TRIM5: variants seen among roughly 807,000 people sequenced by gnomAD.
The protein encoded by TRIM5 is tripartite motif containing 5.
TRIM5 carries 31 observed loss-of-function variants against 35.6 expected under a neutral mutation model. The ratio of observed to expected loss-of-function variants is 0.87; its 90% confidence interval spans 0.65 to 1.18. TRIM5 has a LOEUF of 1.18. Ranked by LOEUF, TRIM5 falls within the 50% of genes most tolerant of loss-of-function variation. The probability of loss-of-function intolerance (pLI) is 0.00; values close to 1 mark genes in which losing one functional copy is unlikely to be tolerated. For missense variants in TRIM5, 609 were observed against 591.6 expected (o/e 1.03, Z -0.31); for synonymous variants, 243 against 215.6 (o/e 1.13, Z -1.11).
At chr11:5,629,982 A>G in the TRIM5 span, among the ~76,000 whole-genome samples, 2 of 152,124 alleles carry the variant, frequency 1.3e-5, no homozygotes, top group Non-Finnish European at 2.9e-5. Context: ...CTGAGATTAC[A>G]GGGGTGAGCC....
chr11:5,652,241 G>A, the TRIM5 span, among the ~76,000 whole-genome samples: 18 of 151,744 alleles, frequency 1.2e-4, no homozygotes, highest in Non-Finnish European at 2.1e-4. Context: ...TCTTTGCCAG[G>A]GCCTGTGTCC....
chr11:5,641,050 A>G, the TRIM5 span: 2 of 1,383,004 alleles, frequency 1.4e-6, no homozygotes, highest in African/African-American at 3.0e-5. Context: ...TTTTGTTGAC[A>G]TTTTCATATA....
intron 6 of TRIM5, 97 bp downstream of exon 6, chr11:5,665,884 C>G (rs923154883): frequency 7.5e-7 from 1 of 1,327,778 alleles, no homozygotes; most frequent in African/African-American, 1.5e-5. Flanking sequence ...CTCCCCTATC[C>G]CCTCTATCCA....
chr11:5,622,396 G>C, the TRIM5 span, among the ~76,000 whole-genome samples: 1 of 148,716 alleles, frequency 6.7e-6, no homozygotes, highest in African/African-American at 2.5e-5. Context: ...AGTGAGCCGA[G>C]ATCACGCCAC....
chr11:5,671,153 G>T (rs1246827039), intron 4 of TRIM5, among the ~76,000 whole-genome samples: 1 of 152,022 alleles, frequency 6.6e-6, no homozygotes, highest in South Asian at 2.1e-4. Flanking sequence ...TTGAGTTCAG[G>T]ATGTCGAGGC....
At chr11:5,682,343 C>T (rs138284321) in intron 1 of TRIM5, among the ~76,000 whole-genome samples, 21 of 152,102 alleles carry the variant, frequency 1.4e-4, no homozygotes, top group Non-Finnish European at 2.2e-4. Flanking sequence ...CTCACCTAAG[C>T]TCTGCTTTTG....
At chr11:5,666,148 C>T in intron 5 of TRIM5, 67 bp from the exon 6 acceptor site, 3 of 1,354,776 alleles carry the variant, frequency 2.2e-6, no homozygotes, top group East Asian at 2.4e-5. Context: ...ACACCCCTGA[C>T]TTCCTATCAT....
chr11:5,589,734 C>T, the TRIM5 span: 1 of 161,736 alleles, frequency 6.2e-6, no homozygotes, highest in Admixed American at 6.5e-5. Context: ...TCACAGCCCT[C>T]CCTCGCTCTC....
chr11:5,661,103 T>G (rs1850807814), downstream of TRIM5, among the ~76,000 whole-genome samples: 1 of 142,442 alleles, frequency 7.0e-6, no homozygotes, highest in Non-Finnish European at 1.5e-5. Context: ...TAGATATATG[T>G]TTAGGCATAT....
the TRIM5 span, among the ~76,000 whole-genome samples, chr11:5,651,940 CTTCTT>C: frequency 6.6e-6 from 1 of 152,042 alleles, no homozygotes; most frequent in African/African-American, 2.4e-5. Context: ...ACGTGTATGT[CTTCTT>C]TTGAGAAGTG....
chr11:5,591,961 C>T, the TRIM5 span, among the ~76,000 whole-genome samples: 2 of 152,224 alleles, frequency 1.3e-5, no homozygotes, highest in East Asian at 1.9e-4. Context: ...CAGATGAGTC[C>T]GCTGAGGTTA....
At chr11:5,638,658 T>C in the TRIM5 span, among the ~76,000 whole-genome samples, 1 of 152,244 alleles carries the variant, frequency 6.6e-6, no homozygotes, top group Non-Finnish European at 1.5e-5. Flanking sequence ...TGATACCAGT[T>C]TGACAATACG....
the TRIM5 span, among the ~76,000 whole-genome samples, chr11:5,631,708 A>G: frequency 6.6e-6 from 1 of 152,154 alleles, no homozygotes; most frequent in Non-Finnish European, 1.5e-5. Flanking sequence ...TAATGGAAGG[A>G]AGATAATGAA....
chr11:5,632,413 C>A, the TRIM5 span: 1 of 1,613,974 alleles, frequency 6.2e-7, no homozygotes, highest in Non-Finnish European at 8.5e-7. Context: ...ACCCTTGAGT[C>A]TAGACTGTGG....
downstream of TRIM5, among the ~76,000 whole-genome samples, chr11:5,662,728 C>G (rs1241646993): frequency 6.6e-6 from 1 of 151,988 alleles, no homozygotes; most frequent in African/African-American, 2.4e-5. Context: ...TAACTTAGTT[C>G]TTGTATTTCT....
intron 1 of TRIM5, among the ~76,000 whole-genome samples, chr11:5,682,254 T>C (rs2134135699): frequency 1.3e-5 from 2 of 152,290 alleles, no homozygotes; most frequent in South Asian, 4.1e-4. Context: ...AAATACAAAA[T>C]GAGCTGAGCT....
In TRIM5 at chr11:5,679,965, C is replaced by T; in HGVS notation, c.213G>A (p.Arg71=). The change falls in exon 2 of 8, where the codon CGG becomes CGA. Residue 71 remains arginine (R), a synonymous_variant. Coordinates refer to ENST00000380034, the MANE Select transcript of TRIM5 (RefSeq NM_033034.3). The part of the protein sequence containing the change: ...SYQPENIRPN[R]HVANIVEKLR... ...GCTTCTCCACTATGTTGGCTACATGCCGATTAGGCCGTATGTTCTCAGGCT... is the reference window on the plus strand; with the variant it reads ...GCTTCTCCACTATGTTGGCTACATGTCGATTAGGCCGTATGTTCTCAGGCT... The T allele has an allele frequency of 1.2e-6, 2 of 1,614,038 alleles. No individual in the cohort carries two copies.
the TRIM5 span, chr11:5,645,880 A>AAAAAT: frequency 1.0e-3 from 137 of 137,330 alleles, 1 homozygote; most frequent in African/African-American, 4.2e-3. Flanking sequence ...AAAAAAAAAA[A>AAAAAT]ATATATATAT....
At chr11:5,631,347 G>A in the TRIM5 span, among the ~76,000 whole-genome samples, 3 of 152,160 alleles carry the variant, frequency 2.0e-5, no homozygotes, top group Non-Finnish European at 4.4e-5. Context: ...AAGTGGAGTA[G>A]CATGGAGACC....
Sources: gnomAD v4.1 joint callset for allele counts (sites outside exome capture counted in the v4.1 genomes callset) on GRCh38, gnomAD v4.1.1 for gene constraint, MANE v1.5 for transcripts, NCBI Gene and HGNC (gene_info 2026-07-23, HGNC 2026-07-21) for gene names.